The following LOC128706665 variants were observed in gnomAD, a reference collection of about 807,000 sequenced individuals.
At chr20:10,422,034 G>A in the LOC128706665 span, among the ~76,000 whole-genome samples, 384 of 152,120 alleles carry the variant, frequency 2.5e-3, 2 homozygotes, top group African/African-American at 9.0e-3. Context: ...GGTCTGAAAA[G>A]AATTTCTTAT....
the LOC128706665 span, among the ~76,000 whole-genome samples, chr20:10,415,312 C>T: frequency 6.6e-6 from 1 of 152,104 alleles, no homozygotes; most frequent in Non-Finnish European, 1.5e-5. Flanking sequence ...AAAGTACTTC[C>T]TAAAAGTAGG....
chr20:10,420,737 T>C, the LOC128706665 span: 1 of 152,196 alleles, frequency 6.6e-6, no homozygotes, highest in Non-Finnish European at 1.5e-5. Context: ...CGAAGGCTCA[T>C]AGTACTTCAG....
At chr20:10,433,510 T>C in the LOC128706665 span, among the ~76,000 whole-genome samples, 2 of 152,116 alleles carry the variant, frequency 1.3e-5, no homozygotes, top group Non-Finnish European at 2.9e-5. Flanking sequence ...AATGAATGAA[T>C]GAAACCGTCA....
At chr20:10,418,557 G>C in the LOC128706665 span, among the ~76,000 whole-genome samples, 1 of 152,126 alleles carries the variant, frequency 6.6e-6, no homozygotes, top group South Asian at 2.1e-4. Context: ...GCTTCTGCTT[G>C]CTTGACTGGA....
chr20:10,418,067 CA>C, the LOC128706665 span, among the ~76,000 whole-genome samples: 3 of 152,132 alleles, frequency 2.0e-5, no homozygotes, highest in Admixed American at 1.3e-4. Context: ...CCTTGGGTAT[CA>C]AATTGTAGGT....
chr20:10,417,530 G>A, the LOC128706665 span, among the ~76,000 whole-genome samples: 3 of 152,308 alleles, frequency 2.0e-5, no homozygotes, highest in East Asian at 3.9e-4. Context: ...AGGATGGCCT[G>A]TGCCCAAGAG....
At chr20:10,427,851 T>C in the LOC128706665 span, among the ~76,000 whole-genome samples, 1 of 152,234 alleles carries the variant, frequency 6.6e-6, no homozygotes, top group East Asian at 1.9e-4. Context: ...AAGTTTCCAT[T>C]CTGCAAATCC....
chr20:10,421,702 G>A, the LOC128706665 span, among the ~76,000 whole-genome samples: 2 of 151,800 alleles, frequency 1.3e-5, no homozygotes, highest in African/African-American at 4.8e-5. Context: ...TAACTTACAG[G>A]GTTATCGACC....
At chr20:10,414,077 A>T in the LOC128706665 span, 1 of 369,326 alleles carries the variant, frequency 2.7e-6, no homozygotes. Context: ...TGAGAAAGGT[A>T]GACCAACTTT....
At chr20:10,421,340 C>A in the LOC128706665 span, among the ~76,000 whole-genome samples, 1 of 149,750 alleles carries the variant, frequency 6.7e-6, no homozygotes, top group Non-Finnish European at 1.5e-5. Context: ...AGGAGACTTG[C>A]TTGAACTTGG....
chr20:10,419,926 G>A, the LOC128706665 span, among the ~76,000 whole-genome samples: 42 of 152,254 alleles, frequency 2.8e-4, no homozygotes, highest in East Asian at 3.3e-3. Flanking sequence ...GCCAAACTGC[G>A]GATAAAGGGA....
At chr20:10,420,704 C>G in the LOC128706665 span, 2 of 151,792 alleles carry the variant, frequency 1.3e-5, no homozygotes, top group African/African-American at 4.8e-5. Context: ...ACAACCAAAA[C>G]TTTGTAGTCT....
At chr20:10,425,980 T>C in the LOC128706665 span, among the ~76,000 whole-genome samples, 1 of 152,248 alleles carries the variant, frequency 6.6e-6, no homozygotes, top group Non-Finnish European at 1.5e-5. Context: ...TATAGTTTCA[T>C]TTACTAAAAT....
chr20:10,423,414 C>T, the LOC128706665 span, among the ~76,000 whole-genome samples: 6 of 151,540 alleles, frequency 4.0e-5, no homozygotes, highest in African/African-American at 9.7e-5. Flanking sequence ...GAAATGCGAT[C>T]GTTTCAAAAA....
chr20:10,430,896 G>A, the LOC128706665 span, among the ~76,000 whole-genome samples: 27 of 152,296 alleles, frequency 1.8e-4, no homozygotes, highest in Admixed American at 1.0e-3. Flanking sequence ...TTTCAGACAC[G>A]CTGTTGGTCT....
the LOC128706665 span, among the ~76,000 whole-genome samples, chr20:10,414,186 T>C: frequency 2.0e-4 from 31 of 152,010 alleles, no homozygotes; most frequent in Middle Eastern, 0.014. Flanking sequence ...CTAGAAAGCT[T>C]ACAGCACAGT....
chr20:10,423,231 G>A, the LOC128706665 span, among the ~76,000 whole-genome samples: 1 of 152,012 alleles, frequency 6.6e-6, no homozygotes, highest in African/African-American at 2.4e-5. Flanking sequence ...TTGAGCCTAG[G>A]CAACGTGGCA....
At chr20:10,414,174 G>A in the LOC128706665 span, among the ~76,000 whole-genome samples, 2 of 151,954 alleles carry the variant, frequency 1.3e-5, no homozygotes, top group African/African-American at 4.8e-5. Flanking sequence ...ACAACAACAT[G>A]GCTAGAAAGC....
chr20:10,431,465 C>A, the LOC128706665 span, among the ~76,000 whole-genome samples: 1 of 151,976 alleles, frequency 6.6e-6, no homozygotes, highest in African/African-American at 2.4e-5. Flanking sequence ...AAGGAGAATA[C>A]AGGTTTGAGA....
Sources: allele counts gnomAD v4.1 joint callset (sites outside exome capture counted in the v4.1 genomes callset), GRCh38; gene constraint gnomAD v4.1.1; transcripts MANE v1.5.